The following CDH12 variants were observed in gnomAD, a reference collection of about 807,000 sequenced individuals.
CDH12 encodes the protein cadherin-12.
Under a neutral mutation model 74.1 loss-of-function variants are expected in CDH12, and 41 were observed. The observed-to-expected ratio is 0.55, with a 90% confidence interval of 0.43 to 0.72. The LOEUF (loss-of-function observed/expected upper bound fraction) is 0.72. CDH12 is among the 30% of genes least tolerant of loss of function. The probability of loss-of-function intolerance (pLI) is 0.00; values close to 1 mark genes in which losing one functional copy is unlikely to be tolerated. For missense variants in CDH12, 945 were observed against 977.2 expected, an observed-to-expected ratio of 0.97 and a Z score of 0.44; for synonymous variants, 399 against 355.0, an observed-to-expected ratio of 1.12 and a Z score of -1.39.
At chr5:22,403,317 T>C (rs1742808761) in intron 3 of CDH12, among the ~76,000 whole-genome samples, 1 of 152,188 alleles carries the variant, frequency 6.6e-6, no homozygotes, top group African/African-American at 2.4e-5. Flanking sequence ...CTAAATAACA[T>C]CATCATGGTC....
intron 1 of CDH12, among the ~76,000 whole-genome samples, chr5:22,549,164 G>A (rs1350438534): frequency 1.3e-5 from 2 of 151,030 alleles, no homozygotes; most frequent in Admixed American, 1.3e-4. Context: ...GTAGAGATGA[G>A]GTTTCACTAT....
intron 3 of CDH12, among the ~76,000 whole-genome samples, chr5:22,271,733 A>G (rs750972652): frequency 6.6e-6 from 1 of 152,168 alleles, no homozygotes; most frequent in Non-Finnish European, 1.5e-5. Flanking sequence ...CTACATTTCC[A>G]TCAGAGTTCT....
chr5:22,657,831 G>A (rs561996081), intron 1 of CDH12, among the ~76,000 whole-genome samples: 71 of 152,216 alleles, frequency 4.7e-4, no homozygotes, highest in Non-Finnish European at 8.4e-4. Flanking sequence ...GAAGCTTTAT[G>A]TCCAATTTTT....
intron 2 of CDH12, among the ~76,000 whole-genome samples, chr5:22,483,434 A>G (rs1457966526): frequency 6.6e-6 from 1 of 151,952 alleles, no homozygotes; most frequent in Admixed American, 6.6e-5. Flanking sequence ...TTCTGCAAAC[A>G]TGAAGATGAT....
At position 22,657,111 on chromosome 5, in the gene CDH12, A is replaced by G. The variant is rs543595346; in HGVS notation, c.-522-151747T>C. On this transcript the variant is annotated intron_variant, in intron 1 of 14. Transcript: ENST00000382254. ...GTTAAAATAATTGAACTATTTCTAG[A>G]TGAAACAATGTAGATTAAACTATTA... 2.7e-3 allele frequency among the ~76,000 whole-genome samples: 411 copies of G among 152,326 alleles called. 4 individuals are homozygous for G. Among genetic ancestry groups the G allele is most frequent in the Non-Finnish European group, 4.8e-3 (328 of 68,034 alleles).
chr5:21,970,839 C>CAAAAAAAAAAAAAAAAAAAAAA lies in CDH12; in HGVS notation c.526+4230_526+4251dup, dbSNP rs1167373938. Among the ~76,000 whole-genome samples, 7 of 27,796 alleles carry CAAAAAAAAAAAAAAAAAAAAAA rather than the reference C, an allele frequency of 2.5e-4. 1 individual carries two copies. The highest frequency in any genetic ancestry group is 3.6e-4 in the African/African-American group (3 of 8,272). The allele number at this position is 27,796 out of a possible 152,430, so 18.2% of individuals were successfully genotyped here. ...TGGGCAATAGAGCAAGACTCTTTCT[C>CAAAAAAAAAAAAAAAAAAAAAA]AAAAAAAAAAAAAAAAAAAAAAAAA... On this transcript the variant is annotated intron_variant, in intron 6 of 14. Transcript: ENST00000382254.
chr5:22,622,937 C>A (rs1437568981), intron 1 of CDH12, among the ~76,000 whole-genome samples: 1 of 152,174 alleles, frequency 6.6e-6, no homozygotes, highest in African/African-American at 2.4e-5. Context: ...TACTGGCAAA[C>A]CAAATCCAGC....
intron 1 of CDH12, among the ~76,000 whole-genome samples, chr5:22,822,586 A>G (rs1267436455): frequency 6.6e-6 from 1 of 152,238 alleles, no homozygotes; most frequent in Non-Finnish European, 1.5e-5. Context: ...ATGAACAGAC[A>G]TTTCTCAAAA....
At chr5:22,836,290 C>T (rs929825203) in intron 1 of CDH12, among the ~76,000 whole-genome samples, 3 of 123,802 alleles carry the variant, frequency 2.4e-5, no homozygotes, top group Non-Finnish European at 4.7e-5. Context: ...GTGATGCGAT[C>T]TCAGCTCACC....
chr5:21,774,308 C>T (rs1449758688), intron 11 of CDH12: 2 of 152,140 alleles, frequency 1.3e-5, no homozygotes, highest in African/African-American at 2.4e-5. Flanking sequence ...ATATTTCCTT[C>T]CCTCAAACAT....
chr5:22,791,024 T>C (rs1184577848), intron 1 of CDH12, among the ~76,000 whole-genome samples: 2 of 152,184 alleles, frequency 1.3e-5, no homozygotes, highest in East Asian at 1.9e-4. Flanking sequence ...GAGTCCCAGT[T>C]AGGCCCAAGA....
At chr5:22,395,823 C>T (rs939819263) in intron 3 of CDH12, among the ~76,000 whole-genome samples, 2 of 152,022 alleles carry the variant, frequency 1.3e-5, no homozygotes, top group African/African-American at 2.4e-5. Flanking sequence ...TGGGTAAGGC[C>T]TGCCCTGGAG....
chr5:22,823,386 T>A (rs1238972619), intron 1 of CDH12, among the ~76,000 whole-genome samples: 2 of 152,030 alleles, frequency 1.3e-5, no homozygotes, highest in African/African-American at 4.8e-5. Context: ...AGTATAATAA[T>A]AATTTTTAAA....
At chr5:22,277,363 G>A (rs942052014) in intron 3 of CDH12, among the ~76,000 whole-genome samples, 3 of 152,126 alleles carry the variant, frequency 2.0e-5, no homozygotes, top group Admixed American at 2.0e-4. Flanking sequence ...CTTCTAGAGT[G>A]GACTTGGGCC....
At chr5:22,621,484 A>C (rs2126840774) in intron 1 of CDH12, among the ~76,000 whole-genome samples, 1 of 152,234 alleles carries the variant, frequency 6.6e-6, no homozygotes, top group Middle Eastern at 3.4e-3. Context: ...AATCTTAGAA[A>C]AAAATTCTCA....
chr5:22,196,599 C>G (rs1750632634), intron 4 of CDH12, among the ~76,000 whole-genome samples: 1 of 152,176 alleles, frequency 6.6e-6, no homozygotes, highest in Non-Finnish European at 1.5e-5. Context: ...AGGCTTTACA[C>G]AGCTTCAAAA....
At chr5:22,274,544 A>T (rs770455535) in intron 3 of CDH12, among the ~76,000 whole-genome samples, 2 of 152,066 alleles carry the variant, frequency 1.3e-5, no homozygotes, top group Non-Finnish European at 2.9e-5. Context: ...AACCACAAAC[A>T]TGAATTTATG....
intron 3 of CDH12, among the ~76,000 whole-genome samples, chr5:22,214,867 G>T (rs1269910360): frequency 6.6e-6 from 1 of 152,150 alleles, no homozygotes; most frequent in African/African-American, 2.4e-5. Flanking sequence ...TCAAAACCCT[G>T]AATGGTTTCT....
chr5:22,449,899 G>A (rs1250617372), intron 2 of CDH12, among the ~76,000 whole-genome samples: 1 of 151,902 alleles, frequency 6.6e-6, no homozygotes, highest in Non-Finnish European at 1.5e-5. Flanking sequence ...GGACAATGTT[G>A]CAGTATTATT....
Sources: allele counts gnomAD v4.1 joint callset (sites outside exome capture counted in the v4.1 genomes callset), GRCh38; gene constraint gnomAD v4.1.1; transcripts MANE v1.5; gene names NCBI Gene and HGNC (gene_info 2026-07-23, HGNC 2026-07-21).